The following UBE2F variants were observed in gnomAD, a reference collection of about 807,000 sequenced individuals.
The protein encoded by UBE2F is NEDD8-conjugating enzyme UBE2F.
A neutral mutation model predicts 29.6 loss-of-function variants in UBE2F; 5 were observed. The ratio of observed to expected loss-of-function variants is 0.17; its 90% CI spans 0.09 to 0.36. The LOEUF is 0.36. Ranked by LOEUF, UBE2F falls within the 10% of genes least tolerant of loss-of-function variation. The pLI is 1.00. For missense variants in UBE2F, 141 were observed against 228.5 expected (o/e 0.62, Z 2.47); for synonymous variants, 66 against 81.8 (o/e 0.81, Z 1.04).
At chr2:238,027,804 C>T (rs549268907) in intron 6 of UBE2F, among the ~76,000 whole-genome samples, 9 of 152,322 alleles carry the variant, frequency 5.9e-5, no homozygotes, top group African/African-American at 2.2e-4. Flanking sequence ...TCAGCCCTTC[C>T]CACAGCAGGA....
intron 2 of UBE2F, among the ~76,000 whole-genome samples, chr2:237,974,030 C>G (rs1337455092): frequency 1.3e-5 from 2 of 152,136 alleles, no homozygotes; most frequent in African/African-American, 4.8e-5. Flanking sequence ...GAGTCTCACT[C>G]TCACCCAGGC....
Position 237,967,082 on chromosome 2 carries a change from C to T in UBE2F, c.-67C>T, listed in dbSNP as rs1436294171. On this transcript the variant is annotated 5_prime_UTR_variant, in exon 1 of 10. Transcript: ENST00000272930. This position sits in a 1 kb window ranked among gnomAD's most constrained non-coding sequence, Gnocchi z 6.3. ...CGCGTCTCGCAGCAGCCGCCCGGAC[C>T]GGGCATGGTGTTGGGCGCCGGGCCC... 26 of 1,334,592 alleles carry T rather than the reference C, an allele frequency of 1.9e-5. No individual in the cohort carries two copies. The highest frequency in any genetic ancestry group is 3.1e-5 in the African/African-American group (2 of 65,170). The allele number at this position is 1,334,592 out of a possible 1,614,324, so 82.7% of individuals were successfully genotyped here. A position where few individuals can be genotyped will look rare whatever the true frequency, so the allele number is the denominator to read the frequency against.
intron 1 of UBE2F, among the ~76,000 whole-genome samples, chr2:237,968,331 A>G (rs964330279): frequency 1.2e-4 from 18 of 152,122 alleles, no homozygotes; most frequent in Admixed American, 2.0e-4. Context: ...TGCTGAACGT[A>G]AAAGGGGCTG....
At chr2:238,025,463 G>C (rs746295811) in intron 6 of UBE2F, 51 bp downstream of exon 6, 1 of 1,505,220 alleles carries the variant, frequency 6.6e-7, no homozygotes, top group Non-Finnish European at 9.2e-7. Context: ...TCATGTGCAA[G>C]CGTTGGGCTT....
intron 3 of UBE2F, among the ~76,000 whole-genome samples, chr2:237,992,027 G>T (rs1377862796): frequency 1.3e-5 from 2 of 152,042 alleles, no homozygotes; most frequent in African/African-American, 2.4e-5. Context: ...ATTACATCCG[G>T]CTAATTTTTT....
chr2:238,036,155 G>T (rs1334497487), intron 9 of UBE2F, among the ~76,000 whole-genome samples: 5 of 148,484 alleles, frequency 3.4e-5, no homozygotes, highest in African/African-American at 1.3e-4. Context: ...GTGTGTGTTT[G>T]TTTTTTTGTT....
chr2:238,029,119 A>G (rs1188947708), intron 6 of UBE2F: 1 of 152,082 alleles, frequency 6.6e-6, no homozygotes, highest in Non-Finnish European at 1.5e-5. Context: ...GATAGACAGT[A>G]ATGACCAGGA....
chr2:237,971,780 G>A (rs1353934979), intron 1 of UBE2F, among the ~76,000 whole-genome samples: 1 of 144,918 alleles, frequency 6.9e-6, no homozygotes, highest in Non-Finnish European at 1.5e-5. Flanking sequence ...GTAAGCTGTG[G>A]ACTTTGAGTT....
At chr2:238,025,146 A>G in intron 5 of UBE2F, 196 bp from the exon 6 acceptor site, 1 of 584,018 alleles carries the variant, frequency 1.7e-6, no homozygotes, top group East Asian at 3.0e-5. Flanking sequence ...GCCCTTGTGG[A>G]TGCAGCGCAT....
chr2:237,978,632 C>T (rs2063328300), intron 2 of UBE2F, among the ~76,000 whole-genome samples: 1 of 152,204 alleles, frequency 6.6e-6, no homozygotes, highest in Non-Finnish European at 1.5e-5. Context: ...TCTGAGGGCA[C>T]CCTCTGGGCT....
At chr2:237,975,137 C>CT (rs1231503479) in intron 2 of UBE2F, among the ~76,000 whole-genome samples, 6 of 150,586 alleles carry the variant, frequency 4.0e-5, no homozygotes, top group African/African-American at 1.2e-4. Context: ...GACTCTTACT[C>CT]TATCACCAGC....
chr2:238,033,565 C>A (rs73999386), intron 8 of UBE2F, among the ~76,000 whole-genome samples: 1 of 152,144 alleles, frequency 6.6e-6, no homozygotes, highest in South Asian at 2.1e-4. Flanking sequence ...AAACTAGGGG[C>A]GGGTCTGCTC....
intron 7 of UBE2F, 101 bp from the exon 8 acceptor site, chr2:238,032,121 C>T: frequency 1.2e-6 from 1 of 848,432 alleles, no homozygotes; most frequent in Non-Finnish European, 1.9e-6. Context: ...ATGCTAAAGA[C>T]AGGTTTTGAT....
chr2:237,986,705 G>A (rs949799709), intron 2 of UBE2F, among the ~76,000 whole-genome samples: 5 of 152,162 alleles, frequency 3.3e-5, no homozygotes, highest in Admixed American at 1.3e-4. Context: ...TATAAGATAA[G>A]AAGCCAATTT....
At chr2:238,025,075 A>C (rs57798327) in intron 5 of UBE2F, among the ~76,000 whole-genome samples, 4,917 of 152,262 alleles carry the variant, frequency 0.032, 119 homozygotes, top group East Asian at 0.083. Flanking sequence ...AGCCGGCAGG[A>C]CACATGGGGC....
intron 4 of UBE2F, among the ~76,000 whole-genome samples, chr2:238,009,087 C>G (rs4663828): frequency 0.87 from 132,803 of 152,310 alleles, 58,146 homozygotes; most frequent in East Asian, 0.97. Context: ...TTTTTCCTTA[C>G]AAGTTAGTGG....
At chr2:238,011,317 C>T (rs2064022791) in intron 4 of UBE2F, among the ~76,000 whole-genome samples, 1 of 152,218 alleles carries the variant, frequency 6.6e-6, no homozygotes, top group Non-Finnish European at 1.5e-5. Flanking sequence ...TTACCGTACC[C>T]ACCCTGTTTC....
At chr2:238,021,024 G>A (rs2064280621) in intron 5 of UBE2F, among the ~76,000 whole-genome samples, 1 of 152,186 alleles carries the variant, frequency 6.6e-6, no homozygotes. Context: ...GAGAGCCTTA[G>A]CCCAGACCCT....
At chr2:238,020,464 A>G (rs2064266237) in intron 5 of UBE2F, among the ~76,000 whole-genome samples, 1 of 152,204 alleles carries the variant, frequency 6.6e-6, no homozygotes, top group African/African-American at 2.4e-5. Flanking sequence ...GGGGCTTCTC[A>G]GGGTGCATCT....
Sources: allele counts gnomAD v4.1 joint callset (sites outside exome capture counted in the v4.1 genomes callset), GRCh38; gene constraint gnomAD v4.1.1; non-coding constraint Gnocchi (gnomAD v3.1); transcripts MANE v1.5; gene names NCBI Gene and HGNC (gene_info 2026-07-23, HGNC 2026-07-21).